Variants in NEMP2 observed in about 807,000 individuals in gnomAD.
NEMP2 encodes the protein nuclear envelope integral membrane protein 2, also known as UPF0571 transmembrane protein.
A neutral mutation model predicts 54.2 loss-of-function variants in NEMP2; 53 were observed. The observed-to-expected ratio is 0.98, with a 90% CI of 0.78 to 1.23. NEMP2 has a LOEUF of 1.23. Ranked by LOEUF, NEMP2 falls within the 50% of genes most tolerant of loss-of-function variation. The pLI, the probability that NEMP2 is intolerant of heterozygous loss-of-function variation, is 0.00. For missense variants in NEMP2, 455 were observed against 511.3 expected, an observed-to-expected ratio of 0.89 and a Z score of 1.06; for synonymous variants, 197 against 190.3, an observed-to-expected ratio of 1.04 and a Z score of -0.29.
the NEMP2 span, among the ~76,000 whole-genome samples, chr2:190,491,927 G>C: frequency 6.6e-6 from 1 of 151,946 alleles, no homozygotes; most frequent in African/African-American, 2.4e-5. The surrounding 1 kb of genome is among the most constrained non-coding windows in gnomAD (Gnocchi z 4.2). Context: ...AGAAGTGAGG[G>C]GAGAAATCTT....
At chr2:190,647,320 A>T in the NEMP2 span, among the ~76,000 whole-genome samples, 1 of 152,112 alleles carries the variant, frequency 6.6e-6, no homozygotes, top group Non-Finnish European at 1.5e-5. Flanking sequence ...CGCAAAAAGA[A>T]AAAAAAAGGT....
the NEMP2 span, among the ~76,000 whole-genome samples, chr2:190,542,823 T>C: frequency 2.6e-5 from 4 of 152,246 alleles, no homozygotes; most frequent in Non-Finnish European, 5.9e-5. The surrounding 1 kb of genome is among the most constrained non-coding windows in gnomAD (Gnocchi z 4.6). Context: ...TTTCCCTAAA[T>C]CTGCTGTTTT....
the NEMP2 span, among the ~76,000 whole-genome samples, chr2:190,482,356 G>A: frequency 3.3e-5 from 5 of 150,582 alleles, no homozygotes; most frequent in African/African-American, 4.9e-5. Context: ...AGGAAGAATA[G>A]TCTCTTACTG....
the NEMP2 span, among the ~76,000 whole-genome samples, chr2:190,620,977 G>A: frequency 6.6e-6 from 1 of 151,992 alleles, no homozygotes; most frequent in Non-Finnish European, 1.5e-5. This position sits in a 1 kb window ranked among gnomAD's most constrained non-coding sequence, Gnocchi z 4.9. Flanking sequence ...TGAACAATAT[G>A]AAAATGAAAT....
chr2:190,483,569 G>A, the NEMP2 span, among the ~76,000 whole-genome samples: 4 of 152,142 alleles, frequency 2.6e-5, no homozygotes, highest in Non-Finnish European at 5.9e-5. Flanking sequence ...GGGCGCAGTG[G>A]CTCACGCCCG....
chr2:190,457,834 C>T, the NEMP2 span, among the ~76,000 whole-genome samples: 1 of 152,182 alleles, frequency 6.6e-6, no homozygotes, highest in Admixed American at 6.5e-5. The surrounding 1 kb of genome is among the most constrained non-coding windows in gnomAD (Gnocchi z 5.1). Flanking sequence ...CCACCTTGGC[C>T]AGCGTGCAGC....
the NEMP2 span, among the ~76,000 whole-genome samples, chr2:190,449,063 G>T: frequency 2.6e-5 from 4 of 152,176 alleles, no homozygotes; most frequent in African/African-American, 9.7e-5. Flanking sequence ...CATATTGTCT[G>T]TCTATATTTT....
chr2:190,561,001 C>T, the NEMP2 span, among the ~76,000 whole-genome samples: 1 of 152,138 alleles, frequency 6.6e-6, no homozygotes, highest in Non-Finnish European at 1.5e-5. This position sits in a 1 kb window ranked among gnomAD's most constrained non-coding sequence, Gnocchi z 5.4. Context: ...AATTTATACA[C>T]TATGTTAATA....
the NEMP2 span, among the ~76,000 whole-genome samples, chr2:190,643,384 C>T: frequency 6.6e-6 from 1 of 152,130 alleles, no homozygotes; most frequent in Non-Finnish European, 1.5e-5. Flanking sequence ...ACACTTGTGT[C>T]AGTGTTTCTG....
intron 1 of NEMP2, among the ~76,000 whole-genome samples, chr2:190,532,951 G>A (rs974746522): frequency 1.3e-5 from 2 of 152,174 alleles, no homozygotes; most frequent in Admixed American, 6.5e-5. Flanking sequence ...AAGTCAGTGG[G>A]CATCCTGCAT....
the NEMP2 span, among the ~76,000 whole-genome samples, chr2:190,640,214 CAAAT>C: frequency 6.6e-6 from 1 of 151,942 alleles, no homozygotes; most frequent in East Asian, 1.9e-4. Flanking sequence ...TTCCATTTCA[CAAAT>C]AATGTTGTAA....
chr2:190,437,991 T>C, the NEMP2 span, among the ~76,000 whole-genome samples: 1 of 151,738 alleles, frequency 6.6e-6, no homozygotes, highest in Non-Finnish European at 1.5e-5. The surrounding 1 kb of genome is among the most constrained non-coding windows in gnomAD (Gnocchi z 5.9). Context: ...CTTGCTGACA[T>C]AGATAGAGCC....
At chr2:190,580,514 T>C in the NEMP2 span, among the ~76,000 whole-genome samples, 1 of 152,200 alleles carries the variant, frequency 6.6e-6, no homozygotes, top group East Asian at 1.9e-4. This position sits in a 1 kb window ranked among gnomAD's most constrained non-coding sequence, Gnocchi z 5.3. Context: ...AACATGACTT[T>C]TCCTAAGAGG....
the NEMP2 span, among the ~76,000 whole-genome samples, chr2:190,593,729 T>C: frequency 2.0e-5 from 3 of 152,204 alleles, no homozygotes; most frequent in East Asian, 5.8e-4. This position sits in a 1 kb window ranked among gnomAD's most constrained non-coding sequence, Gnocchi z 4.5. Context: ...GAACTGTTGC[T>C]ATATAATGGA....
Position 190,522,558 on chromosome 2 carries a change from A to C in NEMP2, c.213+2705T>G, listed in dbSNP as rs1690788791. ...GCCAGGGCACTCCAAAGTTAACCTG[A>C]AAAATTGGTTCAGGCTATGCCAGGA... On this transcript the variant is annotated intron_variant, in intron 2 of 8. Coordinates refer to ENST00000409150, the MANE Select transcript of NEMP2 (RefSeq NM_001142645.2). The surrounding 1 kb of genome is among the most constrained non-coding windows in gnomAD (Gnocchi z 5.0). Among the ~76,000 whole-genome samples, 1 of 152,196 alleles carries C rather than the reference A, an allele frequency of 6.6e-6. No homozygotes were observed. Among genetic ancestry groups the C allele is most frequent in the African/African-American group, 2.4e-5 (1 of 41,450 alleles).
chr2:190,566,566 T>A, the NEMP2 span, among the ~76,000 whole-genome samples: 1 of 145,658 alleles, frequency 6.9e-6, no homozygotes, highest in Non-Finnish European at 1.5e-5. Flanking sequence ...CAGCCTGGGC[T>A]ACAGGAGTAA....
At chr2:190,626,775 CAGTTTTG>C in the NEMP2 span, 1 of 152,190 alleles carries the variant, frequency 6.6e-6, no homozygotes, top group Non-Finnish European at 1.5e-5. The surrounding 1 kb of genome is among the most constrained non-coding windows in gnomAD (Gnocchi z 4.5). Context: ...GAATGAATAA[CAGTTTTG>C]AGTTCCCATT....
the NEMP2 span, among the ~76,000 whole-genome samples, chr2:190,623,800 A>G: frequency 6.6e-6 from 1 of 152,216 alleles, no homozygotes; most frequent in African/African-American, 2.4e-5. Flanking sequence ...AGCCAAAACA[A>G]AAATAGACAA....
At chr2:190,643,071 C>T in the NEMP2 span, among the ~76,000 whole-genome samples, 39 of 88,646 alleles carry the variant, frequency 4.4e-4, no homozygotes, top group Middle Eastern at 0.013. Context: ...CTTATTTTTG[C>T]AAATGCTAAA....
Sources: allele counts gnomAD v4.1 joint callset (sites outside exome capture counted in the v4.1 genomes callset), GRCh38; gene constraint gnomAD v4.1.1; non-coding constraint Gnocchi (gnomAD v3.1); transcripts MANE v1.5; gene names NCBI Gene and HGNC (gene_info 2026-07-23, HGNC 2026-07-21).